The following ZNF146 variants were observed in gnomAD, a reference collection of about 807,000 sequenced individuals.
ZNF146 encodes the protein zinc finger protein 146.
In ZNF146, 9 loss-of-function variants were observed where a neutral mutation model predicts 22.2. The observed-to-expected ratio is 0.41, with a 90% CI of 0.24 to 0.71. The LOEUF (loss-of-function observed/expected upper bound fraction) is 0.71. Among genes scored for constraint, ZNF146 ranks in the 30% least tolerant of loss-of-function variants. The pLI is 0.34. For missense variants in ZNF146, 194 were observed against 344.8 expected, an observed-to-expected ratio of 0.56 and a Z score of 3.46; for synonymous variants, 108 against 119.2, an observed-to-expected ratio of 0.91 and a Z score of 0.61.
At chr19:36,216,512 G>A (rs1002605299) in intron 1 of ZNF146, among the ~76,000 whole-genome samples, 3 of 143,238 alleles carry the variant, frequency 2.1e-5, no homozygotes, top group Admixed American at 1.4e-4. Context: ...ACAAAAATTA[G>A]CCGGGCGTGG....
rs972445580 is a variant in ZNF146 at position 36,215,188 on chromosome 19, A to G, written c.-937A>G. The G allele has an allele frequency of 1.3e-5, 2 of 151,914 alleles. No homozygotes were observed. The highest frequency in any genetic ancestry group is 1.3e-4 in the Admixed American group (2 of 15,246). The allele number at this position is 151,914 out of a possible 1,614,324, so 9.4% of individuals were successfully genotyped here. On this transcript the variant is annotated 5_prime_UTR_variant, in exon 1 of 4. Coordinates refer to ENST00000443387, the MANE Select transcript of ZNF146 (RefSeq NM_007145.3). Reference sequence around the variant, plus strand: ...CGGCCCCTGGGTCCACGTGGCGCGAAAGTAGGAGGTGGGATCTGGGCGTCT... The same window carrying G: ...CGGCCCCTGGGTCCACGTGGCGCGAGAGTAGGAGGTGGGATCTGGGCGTCT...
intron 2 of ZNF146, among the ~76,000 whole-genome samples, chr19:36,220,306 ACTTTAAATGGTATAGT>A: frequency 1.4e-5 from 2 of 146,504 alleles, no homozygotes; most frequent in Non-Finnish European, 1.5e-5. Context: ...TTTCTAATTC[ACTTTAAATGGTATAGT>A]ATTTTTACCT....
chr19:36,236,474 G>T lies in ZNF146; in HGVS notation c.34G>T (p.Gly12Trp). 1 of 1,611,278 alleles carries T rather than the reference G, an allele frequency of 6.2e-7. No individual in the cohort carries two copies. The highest frequency in any genetic ancestry group is 8.5e-7 in the Non-Finnish European group (1 of 1,178,580). ...SHLSQQRIYS[G>W]ENPFACKVCG... ...CCTCAGCCAGCAGAGAATTTACAGTGGGGAAAACCCCTTTGCCTGTAAGGT... is the reference window on the plus strand; with the variant it reads ...CCTCAGCCAGCAGAGAATTTACAGTTGGGAAAACCCCTTTGCCTGTAAGGT... Residue 12 changes from glycine to tryptophan, a missense_variant, in exon 4 of 4, where the codon GGG becomes TGG. This residue lies in a region of ZNF146 where 47 missense variants were observed against 44.7 expected (regional missense o/e 1.05). Transcript: ENST00000443387.
chr19:36,232,836 T>G (rs1425255141), intron 3 of ZNF146, among the ~76,000 whole-genome samples: 1 of 152,030 alleles, frequency 6.6e-6, no homozygotes, highest in Non-Finnish European at 1.5e-5. Flanking sequence ...TCTTAAACTC[T>G]TGGCCCCACA....
intron 2 of ZNF146, among the ~76,000 whole-genome samples, chr19:36,220,428 G>T (rs1486347629): frequency 2.0e-5 from 3 of 151,442 alleles, no homozygotes; most frequent in Non-Finnish European, 4.4e-5. Context: ...GCAGTGGCAC[G>T]ATCTCAGCTC....
chr19:36,226,446 A>G (rs1023796616), intron 2 of ZNF146, among the ~76,000 whole-genome samples: 5 of 152,208 alleles, frequency 3.3e-5, no homozygotes, highest in African/African-American at 1.2e-4. Context: ...GCTTTTTTAT[A>G]TGATTACAAC....
chr19:36,233,508 C>G (rs1306164933), intron 3 of ZNF146, among the ~76,000 whole-genome samples: 1 of 152,004 alleles, frequency 6.6e-6, no homozygotes, highest in Non-Finnish European at 1.5e-5. Flanking sequence ...GAGGACCTCT[C>G]AAGAGGACCG....
chr19:36,236,123 A>G lies in ZNF146; in HGVS notation c.-318A>G. Reference sequence around the variant, plus strand: ...TGCTGAAGAGAAACCCTGTGCTTCTAAGGAGTATTGACAAGCCCTTAGCTA... The same window carrying G: ...TGCTGAAGAGAAACCCTGTGCTTCTGAGGAGTATTGACAAGCCCTTAGCTA... On this transcript the variant is annotated 5_prime_UTR_variant, in exon 4 of 4. Transcript: ENST00000443387. The G allele has an allele frequency of 3.8e-6, 1 of 262,264 alleles. No individual in the cohort carries two copies. Among genetic ancestry groups the G allele is most frequent in the South Asian group, 8.2e-5 (1 of 12,258 alleles). The allele number at this position is 262,264 out of a possible 1,614,324, so 16.2% of individuals were successfully genotyped here.
rs183998787 is a variant in ZNF146 at position 36,219,813 on chromosome 19, G to A, written c.-855+1618G>A. 5.9e-3 allele frequency among the ~76,000 whole-genome samples: 899 copies of A among 152,186 alleles called. 10 individuals are homozygous for A. Among genetic ancestry groups the A allele is most frequent in the Non-Finnish European group, 7.9e-3 (534 of 68,010 alleles). Reference sequence around the variant, plus strand: ...TGTGTAAAAATGTAGTAGTCTATACGTTAAGAGAAACTTCTGGGAACAAAC... The same window carrying A: ...TGTGTAAAAATGTAGTAGTCTATACATTAAGAGAAACTTCTGGGAACAAAC... On this transcript the variant is annotated intron_variant, in intron 2 of 3. Coordinates refer to ENST00000443387, the MANE Select transcript of ZNF146 (RefSeq NM_007145.3).
Position 36,237,934 on chromosome 19 carries a change from T to C in ZNF146, c.*615T>C, listed in dbSNP as rs751079843. 1.8e-5 allele frequency: 3 copies of C among 167,072 alleles called. No homozygotes were observed. 10.3% of individuals were successfully genotyped at this position (167,072 alleles called of 1,614,324 possible). A position where few individuals can be genotyped will look rare whatever the true frequency, so the allele number is the denominator to read the frequency against. ...AAAACAGAAATATGGAAAAGCTATGTACTAAAATGCATATGACCTTGGGAA... is the reference window on the plus strand; with the variant it reads ...AAAACAGAAATATGGAAAAGCTATGCACTAAAATGCATATGACCTTGGGAA... On this transcript the variant is annotated 3_prime_UTR_variant, in exon 4 of 4. Coordinates refer to ENST00000443387, the MANE Select transcript of ZNF146 (RefSeq NM_007145.3).
chr19:36,233,474 G>A (rs151256219), intron 3 of ZNF146, among the ~76,000 whole-genome samples: 5 of 152,160 alleles, frequency 3.3e-5, no homozygotes, highest in South Asian at 2.1e-4. Context: ...CCAGGGGACC[G>A]GCGTTAGGGA....
rs1470465956 is a variant in ZNF146 at position 36,237,377 on chromosome 19, A to G, written c.*58A>G. ...TTTCATTAGAAATTTGCACCTCATC[A>G]TGCCCCAGAAATAATCCTTCTGAAG... is the stretch of plus-strand genomic sequence containing the variant. On this transcript the variant is annotated 3_prime_UTR_variant, in exon 4 of 4. Coordinates refer to ENST00000443387, the MANE Select transcript of ZNF146 (RefSeq NM_007145.3). 3.3e-6 allele frequency: 5 copies of G among 1,527,852 alleles called. No individual in the cohort carries two copies. Among genetic ancestry groups the G allele is most frequent in the Middle Eastern group, 1.9e-4 (1 of 5,362 alleles). The allele number at this position is 1,527,852 out of a possible 1,614,324, so 94.6% of individuals were successfully genotyped here.
chr19:36,234,992 T>C (rs1360473072), intron 3 of ZNF146, among the ~76,000 whole-genome samples: 1 of 152,124 alleles, frequency 6.6e-6, no homozygotes, highest in African/African-American at 2.4e-5. Flanking sequence ...CCTTATAATT[T>C]TAATGGGGTT....
At chr19:36,222,817 G>T (rs1599964457) in intron 2 of ZNF146, among the ~76,000 whole-genome samples, 1 of 126,458 alleles carries the variant, frequency 7.9e-6, no homozygotes, top group Non-Finnish European at 1.7e-5. Context: ...ATTTGCATTT[G>T]GACATTGTTC....
Position 36,237,434 on chromosome 19 carries a change from A to G in ZNF146, c.*115A>G. On this transcript the variant is annotated 3_prime_UTR_variant, in exon 4 of 4. Coordinates refer to ENST00000443387, the MANE Select transcript of ZNF146 (RefSeq NM_007145.3). ...ACCACGAATGAGGTTAACTTTAACA[A>G]GTACTAAAAACTTAAGGGACACCAG... 7.5e-7 allele frequency: 1 copy of G among 1,340,384 alleles called. No homozygotes were observed. Among genetic ancestry groups the G allele is most frequent in the Non-Finnish European group, 1.0e-6 (1 of 1,002,250 alleles). The allele number at this position is 1,340,384 out of a possible 1,614,324, so 83.0% of individuals were successfully genotyped here.
Position 36,222,600 on chromosome 19 carries a change from T to C in ZNF146, c.-855+4405T>C, listed in dbSNP as rs1221652685. Among the ~76,000 whole-genome samples the C allele has an allele frequency of 2.6e-5, 4 of 152,198 alleles. No individual in the cohort carries two copies. The East Asian group carries it at 7.7e-4, about 29-fold the overall frequency. ...GAGACAATCTGAACTTCAGTGTAGG[T>C]TTCATTTACATCCCTTCTTATGAAT... On this transcript the variant is annotated intron_variant, in intron 2 of 3. Transcript: ENST00000443387.
intron 3 of ZNF146, among the ~76,000 whole-genome samples, chr19:36,231,187 AC>A (rs1977348750): frequency 6.6e-6 from 1 of 151,410 alleles, no homozygotes; most frequent in Admixed American, 6.6e-5. Flanking sequence ...ACATGGAGAA[AC>A]CCTGTCTCTA....
chr19:36,232,082 C>T (rs1219555471), intron 3 of ZNF146, among the ~76,000 whole-genome samples: 3 of 151,390 alleles, frequency 2.0e-5, no homozygotes, highest in Non-Finnish European at 2.9e-5. Flanking sequence ...GCACACCTAT[C>T]GTCCCAGCTA....
At chr19:36,234,735 C>T (rs1001589349) in intron 3 of ZNF146, among the ~76,000 whole-genome samples, 11 of 152,292 alleles carry the variant, frequency 7.2e-5, no homozygotes, top group African/African-American at 2.4e-4. Flanking sequence ...AATGGTGCTG[C>T]AGGTCTTACC....
Sources: allele counts gnomAD v4.1 joint callset (sites outside exome capture counted in the v4.1 genomes callset), GRCh38; gene constraint gnomAD v4.1.1; regional missense constraint gnomAD v4.1.1; transcripts MANE v1.5; gene names NCBI Gene and HGNC (gene_info 2026-07-23, HGNC 2026-07-21).